PARVB: variants seen among roughly 807,000 people sequenced by gnomAD.
The protein encoded by PARVB is parvin beta, also known as beta-parvin.
PARVB carries 46 observed loss-of-function variants against 47.0 expected under a neutral mutation model. That is an observed-to-expected ratio of 0.98 (90% CI 0.77 to 1.25). The LOEUF is 1.25. Ranked by LOEUF, PARVB falls within the 50% of genes most tolerant of loss-of-function variation. PARVB has a pLI of 0.00. For missense variants in PARVB, 473 were observed against 471.6 expected (o/e 1.00, Z -0.03); for synonymous variants, 196 against 196.3 (o/e 1.00, Z 0.01).
At chr22:44,108,155 T>C (rs1371739659) in intron 3 of PARVB, 2 of 152,334 alleles carry the variant, frequency 1.3e-5, no homozygotes, top group African/African-American at 4.8e-5. Flanking sequence ...ATTACAGGCA[T>C]GAGCCACCAC....
chr22:44,166,169 G>C (rs942020460), intron 12 of PARVB, among the ~76,000 whole-genome samples: 1 of 152,174 alleles, frequency 6.6e-6, no homozygotes, highest in African/African-American at 2.4e-5. Flanking sequence ...GAGTGCAGTG[G>C]CGCGATCCCA....
chr22:44,086,969 G>A, intron 1 of PARVB: 1 of 317,056 alleles, frequency 3.2e-6, no homozygotes, highest in Non-Finnish European at 4.6e-6. Flanking sequence ...AGAGGAGCTG[G>A]TGGCGTGAGT....
chr22:44,103,315 TGGGCTTCTGAGA>T lies in PARVB; in HGVS notation c.273+3193_273+3204del. ...ATGCCTCTCCCCGACTTCCCTGATG[TGGGCTTCTGAGA>T]CCATGGCTCATGGAGATGGGCTGCA... On this transcript the variant is annotated intron_variant, in intron 3 of 12. Transcript: ENST00000338758. This position sits in a 1 kb window ranked among gnomAD's most constrained non-coding sequence, Gnocchi z 4.6. 1 of 152,256 alleles carries T rather than the reference TGGGCTTCTGAGA, an allele frequency of 6.6e-6. No individual in the cohort carries two copies. Among genetic ancestry groups the T allele is most frequent in the African/African-American group, 2.4e-5 (1 of 41,468 alleles). The allele number at this position is 152,256 out of a possible 1,614,324, so 9.4% of individuals were successfully genotyped here.
At chr22:44,083,998 C>A (rs896877663) in intron 1 of PARVB, among the ~76,000 whole-genome samples, 1 of 152,290 alleles carries the variant, frequency 6.6e-6, no homozygotes, top group Middle Eastern at 3.4e-3. Context: ...AAGGCTTGAT[C>A]CAGCACATAG....
chr22:44,113,374 G>A (rs1368917116), intron 3 of PARVB: 1 of 83,844 alleles, frequency 1.2e-5, no homozygotes, highest in African/African-American at 6.7e-5. Flanking sequence ...CACCAACACA[G>A]ATACGTTGTT....
chr22:44,087,344 C>G (rs1045474375), intron 1 of PARVB, among the ~76,000 whole-genome samples: 2 of 152,192 alleles, frequency 1.3e-5, no homozygotes, highest in South Asian at 2.1e-4. Flanking sequence ...AGAAAAGTGT[C>G]AGAAAATGGA....
chr22:44,001,666 A>C (rs146200005), intron 2 of PARVB, among the ~76,000 whole-genome samples: 1 of 152,216 alleles, frequency 6.6e-6, no homozygotes, highest in African/African-American at 2.4e-5. Flanking sequence ...GCTGGATCCA[A>C]GTTTCCAAAA....
intron 1 of PARVB, among the ~76,000 whole-genome samples, chr22:44,075,698 C>T (rs2051755846): frequency 6.6e-6 from 1 of 152,258 alleles, no homozygotes; most frequent in South Asian, 2.1e-4. Flanking sequence ...ACACTGTCTG[C>T]AGCCTTTTCA....
chr22:44,089,225 A>T lies in PARVB; in HGVS notation c.113-4703A>T, dbSNP rs1201711471. 1 of 152,312 alleles carries T rather than the reference A, an allele frequency of 6.6e-6. No individual in the cohort carries two copies. Among genetic ancestry groups the T allele is most frequent in the Non-Finnish European group, 1.5e-5 (1 of 68,142 alleles). 9.4% of individuals were successfully genotyped at this position (152,312 alleles called of 1,614,324 possible). A position where few individuals can be genotyped will look rare whatever the true frequency, so the allele number is the denominator to read the frequency against. ...TCTGCTGCGGTGGGAACGAGTTGGC[A>T]TCGACTCCCTCGTGGCTGGCTGCTG... On this transcript the variant is annotated intron_variant, in intron 1 of 12. Coordinates refer to ENST00000338758, the MANE Select transcript of PARVB (RefSeq NM_013327.5). This position sits in a 1 kb window ranked among gnomAD's most constrained non-coding sequence, Gnocchi z 4.0.
Position 44,169,023 on chromosome 22 carries a change from C to T in PARVB, c.*345C>T, listed in dbSNP as rs369857788. ...AGATGAAAAAAAGCCTGAACCCCAACCCCCAGCTGGTTGAGAGCACCCTGC... is the reference window on the plus strand; with the variant it reads ...AGATGAAAAAAAGCCTGAACCCCAATCCCCAGCTGGTTGAGAGCACCCTGC... On this transcript the variant is annotated 3_prime_UTR_variant, in exon 13 of 13. Coordinates refer to ENST00000338758, the MANE Select transcript of PARVB (RefSeq NM_013327.5). 7 of 220,716 alleles carry T rather than the reference C, an allele frequency of 3.2e-5. No homozygotes were observed. The East Asian group carries it at 7.7e-4, about 24-fold the overall frequency. The allele number at this position is 220,716 out of a possible 1,614,324, so 13.7% of individuals were successfully genotyped here.
intron 1 of PARVB, among the ~76,000 whole-genome samples, chr22:44,074,084 A>G (rs1291466465): frequency 6.6e-6 from 1 of 152,170 alleles, no homozygotes; most frequent in African/African-American, 2.4e-5. Flanking sequence ...AAAACATAAG[A>G]TAACAGAATG....
At chr22:44,092,319 C>T (rs1246889764) in intron 1 of PARVB, among the ~76,000 whole-genome samples, 1 of 152,130 alleles carries the variant, frequency 6.6e-6, no homozygotes, top group Non-Finnish European at 1.5e-5. Context: ...CCATGTTGGC[C>T]AGGATGGTCT....
intron 1 of PARVB, among the ~76,000 whole-genome samples, chr22:44,032,981 A>G (rs1603425651): frequency 6.6e-6 from 1 of 152,210 alleles, no homozygotes; most frequent in African/African-American, 2.4e-5. Flanking sequence ...TGCAACAGCT[A>G]GTTGGCTGTT....
intron 3 of PARVB, among the ~76,000 whole-genome samples, chr22:44,118,717 C>T (rs532119075): frequency 8.6e-5 from 13 of 151,472 alleles, no homozygotes; most frequent in South Asian, 6.3e-4. Flanking sequence ...TGGTGGTGGC[C>T]GCAGAGCTGT....
chr22:44,095,904 C>T (rs1008264916), intron 2 of PARVB, among the ~76,000 whole-genome samples: 9 of 152,198 alleles, frequency 5.9e-5, no homozygotes, highest in South Asian at 2.1e-4. Flanking sequence ...CCAGGGTCCA[C>T]GGGGCTTTCT....
intron 1 of PARVB, among the ~76,000 whole-genome samples, chr22:44,082,783 C>G (rs1601575794): frequency 6.6e-6 from 1 of 152,314 alleles, no homozygotes; most frequent in East Asian, 1.9e-4. Flanking sequence ...TTTTCCTGAT[C>G]ACCCCAGGGA....
intron 9 of PARVB, chr22:44,148,296 C>A (rs570805045): frequency 6.0e-6 from 2 of 332,144 alleles, no homozygotes; most frequent in Non-Finnish European, 5.9e-6. Flanking sequence ...CAGGCCTGTG[C>A]GGCTGAGCTG....
At chr22:44,010,799 A>T (rs141923341) in intron 2 of PARVB, among the ~76,000 whole-genome samples, 1,637 of 152,300 alleles carry the variant, frequency 0.011, 19 homozygotes, top group Non-Finnish European at 0.014. Flanking sequence ...GACCAAAAAA[A>T]TCAAAAATTT....
chr22:44,118,593 G>A (rs938715993), intron 3 of PARVB, among the ~76,000 whole-genome samples: 1 of 152,182 alleles, frequency 6.6e-6, no homozygotes, highest in African/African-American at 2.4e-5. Flanking sequence ...GGTGATGAGA[G>A]GGCAGTATTA....
Sources: gnomAD v4.1 joint callset for allele counts (sites outside exome capture counted in the v4.1 genomes callset) on GRCh38, gnomAD v4.1.1 for gene constraint, Gnocchi (gnomAD v3.1) non-coding constraint, MANE v1.5 for transcripts, NCBI Gene and HGNC (gene_info 2026-07-23, HGNC 2026-07-21) for gene names.